Variants in VAV3 observed in about 807,000 individuals in gnomAD.
The protein encoded by VAV3 is vav guanine nucleotide exchange factor 3, also known as guanine nucleotide exchange factor VAV3.
In VAV3, 94 loss-of-function variants were observed where a neutral mutation model predicts 131.2. That is an observed-to-expected ratio of 0.72 (90% CI 0.61 to 0.85). The LOEUF is 0.85. VAV3 is among the 40% of genes least tolerant of loss of function. The probability of loss-of-function intolerance (pLI) is 0.00; values close to 1 mark genes in which losing one functional copy is unlikely to be tolerated. For missense variants in VAV3, 939 were observed against 1,002.7 expected, an observed-to-expected ratio of 0.94 and a Z score of 0.86; for synonymous variants, 349 against 342.0, an observed-to-expected ratio of 1.02 and a Z score of -0.22.
At chr1:107,770,281 CT>C (rs1664966223) in intron 6 of VAV3, among the ~76,000 whole-genome samples, 1 of 151,948 alleles carries the variant, frequency 6.6e-6, no homozygotes, top group Non-Finnish European at 1.5e-5. Context: ...GCCACCAGCC[CT>C]CCCCCCCCAT....
chr1:107,585,510 C>T (rs1650410688), intron 25 of VAV3, among the ~76,000 whole-genome samples: 1 of 152,154 alleles, frequency 6.6e-6, no homozygotes, highest in African/African-American at 2.4e-5. Flanking sequence ...GATCTGGCCT[C>T]ACTTACCCCT....
At chr1:107,796,613 A>T in intron 2 of VAV3, among the ~76,000 whole-genome samples, 1 of 152,066 alleles carries the variant, frequency 6.6e-6, no homozygotes, top group Non-Finnish European at 1.5e-5. Context: ...TCCTTTAAAA[A>T]TATATGAATC....
At chr1:107,895,749 C>T (rs1671535430) in intron 1 of VAV3, among the ~76,000 whole-genome samples, 1 of 152,086 alleles carries the variant, frequency 6.6e-6, no homozygotes, top group African/African-American at 2.4e-5. Flanking sequence ...AAATAGTAAT[C>T]CCACCCCAAT....
chr1:107,824,199 G>A (rs1667914719), intron 2 of VAV3, among the ~76,000 whole-genome samples: 1 of 152,110 alleles, frequency 6.6e-6, no homozygotes, highest in Admixed American at 6.6e-5. Context: ...TGTGGTGATG[G>A]GAACAAATGC....
chr1:107,858,403 A>T (rs1011908316), intron 2 of VAV3, among the ~76,000 whole-genome samples: 1 of 152,204 alleles, frequency 6.6e-6, no homozygotes, highest in African/African-American at 2.4e-5. Context: ...GAAAAATTTA[A>T]GTCAGATACC....
intron 25 of VAV3, among the ~76,000 whole-genome samples, chr1:107,595,029 T>A (rs530020783): frequency 6.6e-6 from 1 of 152,154 alleles, no homozygotes; most frequent in Non-Finnish European, 1.5e-5. Flanking sequence ...GGAAAATTGT[T>A]TTTTTGGAGA....
intron 9 of VAV3, among the ~76,000 whole-genome samples, chr1:107,761,349 T>A (rs1038496965): frequency 1.5e-4 from 22 of 145,670 alleles, no homozygotes; most frequent in Admixed American, 1.3e-3. Flanking sequence ...GCTGAGATGG[T>A]GTCACTGCAC....
intron 25 of VAV3, among the ~76,000 whole-genome samples, chr1:107,579,820 T>G (rs911603649): frequency 6.6e-6 from 1 of 152,176 alleles, no homozygotes; most frequent in Non-Finnish European, 1.5e-5. Flanking sequence ...TTTCCACATG[T>G]GTTCTCTTTA....
intron 19 of VAV3, among the ~76,000 whole-genome samples, chr1:107,645,188 A>G (rs1395243278): frequency 6.6e-6 from 1 of 152,082 alleles, no homozygotes. Context: ...ATTATGCTTA[A>G]GCCCAGGAAA....
intron 2 of VAV3, among the ~76,000 whole-genome samples, chr1:107,845,655 A>C (rs929935430): frequency 1.3e-5 from 2 of 152,176 alleles, no homozygotes; most frequent in Non-Finnish European, 2.9e-5. Flanking sequence ...TGAAGCATAC[A>C]CAAGTATCAA....
intron 2 of VAV3, among the ~76,000 whole-genome samples, chr1:107,874,288 T>C (rs1187558885): frequency 1.3e-5 from 2 of 152,302 alleles, no homozygotes; most frequent in South Asian, 4.1e-4. Context: ...TTAGTGTGCA[T>C]ACGGATAACA....
intron 22 of VAV3, among the ~76,000 whole-genome samples, chr1:107,609,062 T>C (rs1469326989): frequency 6.6e-6 from 1 of 152,146 alleles, no homozygotes; most frequent in Non-Finnish European, 1.5e-5. Context: ...CACTCACTAG[T>C]TGCATGCTCT....
intron 2 of VAV3, among the ~76,000 whole-genome samples, chr1:107,822,619 C>T (rs951016763): frequency 2.6e-5 from 4 of 151,258 alleles, no homozygotes; most frequent in Non-Finnish European, 5.9e-5. Flanking sequence ...CGTGCCACTG[C>T]ACTCCAGCCT....
At chr1:107,625,102 T>C (rs552187647) in intron 20 of VAV3, among the ~76,000 whole-genome samples, 23 of 152,212 alleles carry the variant, frequency 1.5e-4, no homozygotes, top group African/African-American at 5.5e-4. Flanking sequence ...GACCTAAGGA[T>C]TTCCAATGTC....
chr1:107,657,549 A>T (rs1656667082), intron 19 of VAV3, among the ~76,000 whole-genome samples: 1 of 152,118 alleles, frequency 6.6e-6, no homozygotes, highest in Non-Finnish European at 1.5e-5. Flanking sequence ...TTGTCCCGAG[A>T]GTTGCCTCTG....
intron 1 of VAV3, among the ~76,000 whole-genome samples, chr1:107,897,975 G>T (rs994501891): frequency 3.3e-5 from 5 of 152,002 alleles, no homozygotes; most frequent in Non-Finnish European, 5.9e-5. Flanking sequence ...AAGCTAAAAA[G>T]TTTAAAATAT....
chr1:107,741,210 T>G (rs1663001507), intron 15 of VAV3, among the ~76,000 whole-genome samples: 1 of 152,238 alleles, frequency 6.6e-6, no homozygotes. Context: ...AATGTCAAAT[T>G]TGTTGCCAAA....
chr1:107,716,400 G>A (rs1425149817), intron 15 of VAV3, among the ~76,000 whole-genome samples: 1 of 152,196 alleles, frequency 6.6e-6, no homozygotes, highest in Non-Finnish European at 1.5e-5. Flanking sequence ...GGCCGAGGCA[G>A]GTGGATCACC....
At position 107,964,711 on chromosome 1, in the gene VAV3, GT is replaced by G. The variant is rs775459918; in HGVS notation, c.158del (p.His53ProfsTer5). The G allele has an allele frequency of 6.2e-7, 1 of 1,614,122 alleles. No individual in the cohort carries two copies. The highest frequency in any genetic ancestry group is 8.5e-7 in the Non-Finnish European group (1 of 1,179,992). The part of the protein sequence containing the change: ...LCQLLNNLRA[H>X]SINLKEINLR... The stretch of plus-strand genomic sequence containing the variant: ...GGTTGATCTCCTTCAGGTTGATGGA[GT>G]GCGCCCGGAGGTTGTTAAGCAGCTG... On this transcript the variant is annotated frameshift_variant, in exon 1 of 27. Coordinates refer to ENST00000370056, the MANE Select transcript of VAV3 (RefSeq NM_006113.5). LOFTEE classifies it high-confidence loss of function.
Sources: gnomAD v4.1 joint callset for allele counts (sites outside exome capture counted in the v4.1 genomes callset) on GRCh38, gnomAD v4.1.1 for gene constraint, MANE v1.5 for transcripts, NCBI Gene and HGNC (gene_info 2026-07-23, HGNC 2026-07-21) for gene names.